PTGER3: variants seen among roughly 807,000 people sequenced by gnomAD.
The protein encoded by PTGER3 is prostaglandin E receptor 3.
In PTGER3, 22 loss-of-function variants were observed where a neutral mutation model predicts 34.7. The observed-to-expected ratio is 0.63, with a 90% CI of 0.45 to 0.91. PTGER3 has a LOEUF of 0.91. PTGER3 is among the 40% of genes least tolerant of loss of function. The pLI is 0.00. For missense variants in PTGER3, 468 were observed against 519.4 expected (o/e 0.90, Z 0.96); for synonymous variants, 241 against 230.1 (o/e 1.05, Z -0.43).
chr1:71,024,842 A>G (rs1171575575), intron 1 of PTGER3, among the ~76,000 whole-genome samples: 6 of 150,658 alleles, frequency 4.0e-5, no homozygotes, highest in Non-Finnish European at 1.5e-5. Flanking sequence ...GTCATGAGCC[A>G]CCGTGCCCGG....
At chr1:70,867,740 G>T (rs1249453383) in intron 4 of PTGER3, among the ~76,000 whole-genome samples, 1 of 151,870 alleles carries the variant, frequency 6.6e-6, no homozygotes, top group East Asian at 1.9e-4. Context: ...AAAAAAAAAA[G>T]TCTGGAAAGA....
chr1:71,029,288 G>A (rs1026138084), intron 1 of PTGER3, among the ~76,000 whole-genome samples: 2 of 152,124 alleles, frequency 1.3e-5, no homozygotes, highest in Non-Finnish European at 2.9e-5. Context: ...CTGCTTTTAA[G>A]CAGTTTATAA....
chr1:70,903,653 T>C (rs1396155294), intron 4 of PTGER3, among the ~76,000 whole-genome samples: 1 of 152,142 alleles, frequency 6.6e-6, no homozygotes, highest in Non-Finnish European at 1.5e-5. Context: ...CACTCATACA[T>C]GGTTGACAGC....
chr1:71,042,420 T>C (rs1660392976), intron 1 of PTGER3, among the ~76,000 whole-genome samples: 1 of 151,948 alleles, frequency 6.6e-6, no homozygotes, highest in African/African-American at 2.4e-5. Context: ...CTATCTTGTA[T>C]TATAATTCTT....
At chr1:70,942,213 C>T (rs185541277) in intron 4 of PTGER3, among the ~76,000 whole-genome samples, 51 of 152,220 alleles carry the variant, frequency 3.4e-4, no homozygotes, top group South Asian at 8.3e-4. Flanking sequence ...CATGATCACA[C>T]AGATGAGAGC....
At chr1:71,035,414 C>T (rs746958294) in intron 1 of PTGER3, among the ~76,000 whole-genome samples, 5 of 152,170 alleles carry the variant, frequency 3.3e-5, no homozygotes, top group African/African-American at 1.2e-4. Flanking sequence ...CAATATTTTC[C>T]GTGGTGCATC....
At chr1:70,939,359 A>T (rs1390059349) in intron 4 of PTGER3, among the ~76,000 whole-genome samples, 2 of 152,134 alleles carry the variant, frequency 1.3e-5, no homozygotes, top group Non-Finnish European at 2.9e-5. Flanking sequence ...CTTTTCCAGG[A>T]CCATGGTGCA....
intron 4 of PTGER3, among the ~76,000 whole-genome samples, chr1:70,946,780 A>G (rs1452545420): frequency 6.6e-6 from 1 of 152,148 alleles, no homozygotes; most frequent in South Asian, 2.1e-4. Context: ...GTGGCCCAGA[A>G]CTAACCTTCA....
Position 70,883,641 on chromosome 1 carries a change from C to T in PTGER3, c.*24-30782G>A, listed in dbSNP as rs114936318. On this transcript the variant is annotated intron_variant, in intron 4 of 4. Transcript: ENST00000370931. ...ACAATGTTGACCTGTTATTATAAAA[C>T]GTCCAATTTTCTTAAATAATTCTAG... Among the ~76,000 whole-genome samples the T allele has an allele frequency of 2.9e-3, 436 of 152,286 alleles. 3 individuals are homozygous for T. Among genetic ancestry groups the T allele is most frequent in the African/African-American group, 0.01 (421 of 41,574 alleles).
At chr1:70,878,828 G>A (rs1435220301) in intron 4 of PTGER3, among the ~76,000 whole-genome samples, 5 of 152,098 alleles carry the variant, frequency 3.3e-5, no homozygotes, top group East Asian at 1.9e-4. Context: ...GCTGTAGTCC[G>A]TGAATGTAGT....
chr1:71,011,999 A>C, intron 2 of PTGER3: 2 of 1,369,906 alleles, frequency 1.5e-6, no homozygotes, highest in Non-Finnish European at 1.9e-6. Context: ...CAGACTCAAC[A>C]AAAACACTAG....
At chr1:70,902,764 G>A (rs1189847343) in intron 4 of PTGER3, among the ~76,000 whole-genome samples, 1 of 152,184 alleles carries the variant, frequency 6.6e-6, no homozygotes, top group Non-Finnish European at 1.5e-5. Context: ...GCTGACTTAT[G>A]TACTGGACAA....
At chr1:70,978,967 C>T (rs1432097983) in intron 2 of PTGER3, among the ~76,000 whole-genome samples, 1 of 152,170 alleles carries the variant, frequency 6.6e-6, no homozygotes, top group Non-Finnish European at 1.5e-5. Context: ...TCTGCTCTAT[C>T]ACTAGGCCCA....
intron 4 of PTGER3, among the ~76,000 whole-genome samples, chr1:70,913,707 T>C (rs566531701): frequency 6.6e-6 from 1 of 152,054 alleles, no homozygotes; most frequent in Admixed American, 6.5e-5. Flanking sequence ...AGATTTTTTT[T>C]CGATGTTTTT....
At chr1:70,874,678 G>GTC (rs1217123263) in intron 4 of PTGER3, among the ~76,000 whole-genome samples, 3 of 151,748 alleles carry the variant, frequency 2.0e-5, no homozygotes, top group African/African-American at 4.8e-5. Context: ...TTCTGTCTCT[G>GTC]TCTCTCTCTC....
intron 4 of PTGER3, among the ~76,000 whole-genome samples, chr1:70,873,305 A>G (rs1201666632): frequency 6.6e-6 from 1 of 152,214 alleles, no homozygotes; most frequent in Non-Finnish European, 1.5e-5. Context: ...CATTGATGGA[A>G]CATAATGAGC....
intron 3 of PTGER3, 132 bp from the exon 4 acceptor site, chr1:70,971,865 T>C: frequency 5.2e-6 from 3 of 574,430 alleles, no homozygotes; most frequent in Non-Finnish European, 3.0e-6. Context: ...CATTCTCTTT[T>C]GAAGTAATTA....
At position 71,046,882 on chromosome 1, in the gene PTGER3, AGAGGCG is replaced by A; in HGVS notation, c.690_695del (p.Ser232_Ala233del). The A allele has an allele frequency of 6.2e-7, 1 of 1,613,516 alleles. No homozygotes were observed. Among genetic ancestry groups the A allele is most frequent in the Non-Finnish European group, 8.5e-7 (1 of 1,179,776 alleles). On this transcript the variant is annotated inframe_deletion, in exon 1 of 4. Transcript: ENST00000306666. ...CCAAGAGCCCCAGGAAGGCAAAGGC[AGAGGCG>A]AAGAAAAGGTTGCCCCAGTTATGCG...
chr1:70,907,089 T>G (rs963378534), intron 4 of PTGER3, among the ~76,000 whole-genome samples: 5 of 152,194 alleles, frequency 3.3e-5, no homozygotes, highest in Non-Finnish European at 7.3e-5. Flanking sequence ...AAATGTGAGG[T>G]GCCTATAATG....
Sources: allele counts gnomAD v4.1 joint callset (sites outside exome capture counted in the v4.1 genomes callset), GRCh38; gene constraint gnomAD v4.1.1; transcripts MANE v1.5; gene names NCBI Gene and HGNC (gene_info 2026-07-23, HGNC 2026-07-21).